MXI1: variants seen among roughly 807,000 people sequenced by gnomAD.
MXI1 encodes max-interacting protein 1.
A neutral mutation model predicts 36.9 loss-of-function variants in MXI1; 18 were observed. The observed-to-expected ratio is 0.49, with a 90% CI of 0.34 to 0.72. The LOEUF is 0.72. Ranked by LOEUF, MXI1 falls within the 30% of genes least tolerant of loss-of-function variation. The pLI is 0.01. For missense variants in MXI1, 304 were observed against 379.1 expected (o/e 0.80, Z 1.64); for synonymous variants, 160 against 146.7 (o/e 1.09, Z -0.65).
chr10:110,221,473 G>T (rs1590331805), intron 1 of MXI1, among the ~76,000 whole-genome samples: 1 of 152,184 alleles, frequency 6.6e-6, no homozygotes, highest in Non-Finnish European at 1.5e-5. Flanking sequence ...CCCAAGTGGG[G>T]TGCTCCAAAG....
chr10:110,244,945 T>A, intron 3 of MXI1, 88 bp downstream of exon 3: 1 of 1,306,288 alleles, frequency 7.7e-7, no homozygotes, highest in Non-Finnish European at 1.1e-6. Context: ...AGTGCATATG[T>A]AGTTGTAATT....
At chr10:110,217,843 A>C (rs896972711) in intron 1 of MXI1, among the ~76,000 whole-genome samples, 1 of 152,232 alleles carries the variant, frequency 6.6e-6, no homozygotes, top group Non-Finnish European at 1.5e-5. Context: ...AGAGCTGCTG[A>C]CAAGTGCAAT....
At chr10:110,215,925 C>T (rs1854625580) in intron 1 of MXI1, among the ~76,000 whole-genome samples, 1 of 152,114 alleles carries the variant, frequency 6.6e-6, no homozygotes, top group African/African-American at 2.4e-5. Context: ...GCTTCAATTC[C>T]CTGTCCCAAG....
intron 3 of MXI1, among the ~76,000 whole-genome samples, chr10:110,274,655 A>G (rs1435119706): frequency 1.3e-5 from 2 of 152,302 alleles, no homozygotes; most frequent in South Asian, 4.1e-4. Context: ...TAAATGTTTC[A>G]GTACCAGGTT....
intron 3 of MXI1, among the ~76,000 whole-genome samples, chr10:110,259,767 A>G (rs768277638): frequency 1.3e-5 from 2 of 152,014 alleles, no homozygotes; most frequent in Non-Finnish European, 2.9e-5. Context: ...TACTTATTCT[A>G]GTAAATAATG....
At chr10:110,281,816 T>C (rs1356041075) in intron 5 of MXI1, among the ~76,000 whole-genome samples, 1 of 152,220 alleles carries the variant, frequency 6.6e-6, no homozygotes, top group Non-Finnish European at 1.5e-5. Flanking sequence ...TTGTACTTCC[T>C]GTTATGTCAG....
chr10:110,271,266 T>C (rs992684537), intron 3 of MXI1, among the ~76,000 whole-genome samples: 11 of 152,134 alleles, frequency 7.2e-5, no homozygotes, highest in Non-Finnish European at 1.3e-4. Context: ...CTCTCACAAA[T>C]GCTGGCCTGG....
At chr10:110,262,233 C>T (rs1413419870) in intron 3 of MXI1, among the ~76,000 whole-genome samples, 1 of 152,024 alleles carries the variant, frequency 6.6e-6, no homozygotes, top group East Asian at 1.9e-4. Context: ...CTAAACAATA[C>T]AATATAACAA....
rs1288391517 is a variant in MXI1, at chr10:110,207,914, C to T, written c.106C>T (p.Pro36Ser). 1.3e-6 allele frequency: 2 copies of T among 1,521,176 alleles called. No individual in the cohort carries two copies. Among genetic ancestry groups the T allele is most frequent in the South Asian group, 2.4e-5 (2 of 83,214 alleles). The allele number at this position is 1,521,176 out of a possible 1,614,324, so 94.2% of individuals were successfully genotyped here. A position where few individuals can be genotyped will look rare whatever the true frequency, so the allele number is the denominator to read the frequency against. The change falls in exon 1 of 6, where the codon CCG becomes TCG. Residue 36 changes from proline (P) to serine (S), a missense_variant. Physicochemically the swap from Pro to Ser is moderately conservative, Grantham distance 74. Around this residue, in one of 2 missense-constraint regions of MXI1, gnomAD observed 179 missense variants for 184.8 expected, o/e 0.97. Coordinates refer to ENST00000332674, the MANE Select transcript of MXI1 (RefSeq NM_130439.3). Reference sequence around the variant, plus strand: ...CCCCGCCGTGGCCGCGCCCCAGCCCCCGGCCCTGCCCGAGGACCCCGCTGG... The same window carrying T: ...CCCCGCCGTGGCCGCGCCCCAGCCCTCGGCCCTGCCCGAGGACCCCGCTGG... ...VPPAVAAPQP[P>S]ALPEDPAGAK...
intron 3 of MXI1, among the ~76,000 whole-genome samples, chr10:110,267,856 C>T (rs541590469): frequency 6.6e-6 from 1 of 152,246 alleles, no homozygotes; most frequent in South Asian, 2.1e-4. Context: ...TATTGATATT[C>T]TTAGAAGACA....
chr10:110,276,335 A>G (rs1309340603), intron 3 of MXI1, among the ~76,000 whole-genome samples: 1 of 152,100 alleles, frequency 6.6e-6, no homozygotes, highest in Non-Finnish European at 1.5e-5. Flanking sequence ...AGATTTTTTC[A>G]ATTTTATGTT....
rs1590418658 is a variant in MXI1, at chr10:110,284,995, C to A, written c.*8C>A. 61 of 1,606,934 alleles carry A rather than the reference C, an allele frequency of 3.8e-5. No individual in the cohort carries two copies. In the East Asian group the frequency reaches 1.4e-3, roughly 36 times the overall value. On this transcript the variant is annotated 3_prime_UTR_variant, in exon 6 of 6. Coordinates refer to ENST00000332674, the MANE Select transcript of MXI1 (RefSeq NM_130439.3). ...CTTTCATTCACTTCATAGAACCCAG[C>A]ATGACATAACAGTGCAGGGCAAAAT... is the stretch of plus-strand genomic sequence containing the variant.
At chr10:110,271,562 C>CA (rs1856854755) in intron 3 of MXI1, among the ~76,000 whole-genome samples, 1 of 152,096 alleles carries the variant, frequency 6.6e-6, no homozygotes, top group South Asian at 2.1e-4. Flanking sequence ...GTTAGATGCC[C>CA]ACCAGGTGGA....
At chr10:110,254,986 CGAAACCAT>C in intron 3 of MXI1, among the ~76,000 whole-genome samples, 1 of 151,986 alleles carries the variant, frequency 6.6e-6, no homozygotes, top group African/African-American at 2.4e-5. Flanking sequence ...TCAAAGTAGA[CGAAACCAT>C]CATCTATTGG....
chr10:110,282,022 A>G (rs1049514630), intron 5 of MXI1, among the ~76,000 whole-genome samples: 1 of 152,206 alleles, frequency 6.6e-6, no homozygotes, highest in African/African-American at 2.4e-5. Context: ...TTTTTCTCCT[A>G]TAAACATTTT....
At chr10:110,208,908 GC>G in intron 1 of MXI1, among the ~76,000 whole-genome samples, 1 of 152,264 alleles carries the variant, frequency 6.6e-6, no homozygotes, top group East Asian at 1.9e-4. Flanking sequence ...GCTGTTCTGT[GC>G]TTTTTCTTTA....
chr10:110,209,338 TGAGAGAGA>T (rs764550489), intron 1 of MXI1, among the ~76,000 whole-genome samples: 1 of 151,824 alleles, frequency 6.6e-6, no homozygotes, highest in African/African-American at 2.4e-5. Context: ...CGTGTGTGTG[TGAGAGAGA>T]GAGAAAGAAA....
At chr10:110,218,107 A>T (rs1426333290) in intron 1 of MXI1, among the ~76,000 whole-genome samples, 1 of 152,168 alleles carries the variant, frequency 6.6e-6, no homozygotes, top group African/African-American at 2.4e-5. Flanking sequence ...GAGAGACCTT[A>T]GGGCTCTGGG....
chr10:110,265,862 A>G (rs1160490358), intron 3 of MXI1, among the ~76,000 whole-genome samples: 1 of 152,082 alleles, frequency 6.6e-6, no homozygotes, highest in Non-Finnish European at 1.5e-5. Context: ...ATTGGTTTTT[A>G]TCATGTTTTC....
Sources: allele counts gnomAD v4.1 joint callset (sites outside exome capture counted in the v4.1 genomes callset), GRCh38; gene constraint gnomAD v4.1.1; regional missense constraint gnomAD v4.1.1; transcripts MANE v1.5; gene names NCBI Gene and HGNC (gene_info 2026-07-23, HGNC 2026-07-21).